SMAD3: variants seen among roughly 807,000 people sequenced by gnomAD.
SMAD3 encodes the protein MAD homolog 3.
Under a neutral mutation model 51.8 loss-of-function variants are expected in SMAD3, and 12 were observed. That is an observed-to-expected ratio of 0.23 (90% CI 0.15 to 0.38). SMAD3 has a LOEUF of 0.38. Among genes scored for constraint, SMAD3 ranks in the 10% least tolerant of loss-of-function variants. The probability of loss-of-function intolerance (pLI) is 1.00; values close to 1 mark genes in which losing one functional copy is unlikely to be tolerated. For missense variants in SMAD3, 294 were observed against 565.6 expected (o/e 0.52, Z 4.87); for synonymous variants, 238 against 227.7 (o/e 1.05, Z -0.41).
At chr15:67,149,933 G>T (rs1205976445) in intron 1 of SMAD3, among the ~76,000 whole-genome samples, 1 of 152,278 alleles carries the variant, frequency 6.6e-6, no homozygotes, top group East Asian at 1.9e-4. Flanking sequence ...ACTTTTTCAA[G>T]AAACATGGTC....
intron 1 of SMAD3, among the ~76,000 whole-genome samples, chr15:67,094,397 G>A (rs571638074): frequency 8.6e-4 from 131 of 152,282 alleles, no homozygotes; most frequent in Non-Finnish European, 1.6e-3. Context: ...GCAGGGCTGA[G>A]GGCATTTACC....
intron 1 of SMAD3, among the ~76,000 whole-genome samples, chr15:67,129,967 C>T (rs1456998792): frequency 6.6e-6 from 1 of 152,180 alleles, no homozygotes; most frequent in East Asian, 1.9e-4. Context: ...ATGTCACCTG[C>T]ATTTTGGAGT....
At chr15:67,071,836 A>G (rs1397433422) in intron 1 of SMAD3, among the ~76,000 whole-genome samples, 1 of 152,012 alleles carries the variant, frequency 6.6e-6, no homozygotes, top group Admixed American at 6.6e-5. Flanking sequence ...AATAAATGAA[A>G]AGTGGACAAC....
At chr15:67,097,802 T>G (rs554669925) in intron 1 of SMAD3, among the ~76,000 whole-genome samples, 3 of 152,276 alleles carry the variant, frequency 2.0e-5, no homozygotes, top group African/African-American at 7.2e-5. Context: ...CCAAAAGTAG[T>G]ATCCTCTAGG....
At chr15:67,165,229 C>G in intron 2 of SMAD3, 24 bp from the exon 3 acceptor site, 2 of 1,614,204 alleles carry the variant, frequency 1.2e-6, no homozygotes, top group South Asian at 2.2e-5. Context: ...ACTGAGCCAC[C>G]TCTGCTCTGT....
chr15:67,147,011 G>GC (rs1158066757), intron 1 of SMAD3: 33 of 152,198 alleles, frequency 2.2e-4, no homozygotes, highest in Admixed American at 2.2e-3. Context: ...CCTGCCAGGG[G>GC]CCCCTCCCAC....
chr15:67,069,047 G>A (rs1959991207), intron 1 of SMAD3, among the ~76,000 whole-genome samples: 1 of 152,160 alleles, frequency 6.6e-6, no homozygotes, highest in African/African-American at 2.4e-5. Context: ...TCAGTCTAAG[G>A]AGATTAAGCC....
intron 1 of SMAD3, among the ~76,000 whole-genome samples, chr15:67,097,638 G>T (rs1191348914): frequency 6.6e-6 from 1 of 152,132 alleles, no homozygotes; most frequent in Non-Finnish European, 1.5e-5. Context: ...GGGTATAATG[G>T]TAATTATCTT....
intron 1 of SMAD3, among the ~76,000 whole-genome samples, chr15:67,091,222 T>A (rs1285542989): frequency 2.0e-5 from 3 of 152,218 alleles, no homozygotes; most frequent in African/African-American, 7.2e-5. Flanking sequence ...CATCTTTGCG[T>A]ATTATTCCTG....
At chr15:67,099,243 C>T (rs1460677962) in intron 1 of SMAD3, among the ~76,000 whole-genome samples, 1 of 152,204 alleles carries the variant, frequency 6.6e-6, no homozygotes, top group African/African-American at 2.4e-5. Context: ...AAGCAGACAT[C>T]AATTCCTCAT....
At position 67,191,472 on chromosome 15, in the gene SMAD3, T is replaced by G. The variant is rs1484083962; in HGVS notation, c.*936T>G. Reference sequence around the variant, plus strand: ...ATTCTGATGCATACGGCTATATTGGTTTATGTAGTCAGTTGCATTCATTAA... The same window carrying G: ...ATTCTGATGCATACGGCTATATTGGGTTATGTAGTCAGTTGCATTCATTAA... On this transcript the variant is annotated 3_prime_UTR_variant, in exon 9 of 9. Coordinates refer to ENST00000327367, the MANE Select transcript of SMAD3 (RefSeq NM_005902.4). 1.3e-5 allele frequency: 3 copies of G among 233,314 alleles called. No individual in the cohort carries two copies. The highest frequency in any genetic ancestry group is 2.5e-5 in the Non-Finnish European group (3 of 118,052). 14.5% of individuals were successfully genotyped at this position (233,314 alleles called of 1,614,324 possible).
At chr15:67,120,551 G>A (rs530480370) in intron 1 of SMAD3, among the ~76,000 whole-genome samples, 3 of 152,312 alleles carry the variant, frequency 2.0e-5, no homozygotes, top group African/African-American at 7.2e-5. Context: ...GCTAAGTGCT[G>A]TGGGGTGGTC....
At chr15:67,106,049 C>G (rs114662629) in intron 1 of SMAD3, among the ~76,000 whole-genome samples, 1,548 of 152,238 alleles carry the variant, frequency 0.01, 23 homozygotes, top group African/African-American at 0.033. Flanking sequence ...CAGTTCTGCC[C>G]CCAGAATATC....
At chr15:67,107,965 T>TCC (rs138958033) in intron 1 of SMAD3, among the ~76,000 whole-genome samples, 57 of 124,720 alleles carry the variant, frequency 4.6e-4, no homozygotes, top group Non-Finnish European at 7.6e-4. Flanking sequence ...TGCTCTCCTC[T>TCC]CCCCCCCACC....
chr15:67,138,332 C>T lies in SMAD3; in HGVS notation c.207-26563C>T, dbSNP rs1377645820. The T allele has an allele frequency of 1.0e-5, 5 of 501,462 alleles. No homozygotes were observed. The East Asian group carries it at 1.0e-4, about 10-fold the overall frequency. 31.1% of individuals were successfully genotyped at this position (501,462 alleles called of 1,614,324 possible). On this transcript the variant is annotated intron_variant, in intron 1 of 8. Coordinates refer to ENST00000327367, the MANE Select transcript of SMAD3 (RefSeq NM_005902.4). ...TGGTTCTGGGCTCTGGGACCCTGCT[C>T]CCCTCCCCTGAACCCCCCCTCCCCC...
chr15:67,155,675 C>G (rs544027492), intron 1 of SMAD3, among the ~76,000 whole-genome samples: 5 of 152,098 alleles, frequency 3.3e-5, no homozygotes, highest in Non-Finnish European at 7.4e-5. Context: ...GGAAAACCCA[C>G]GTAGAATGCA....
chr15:67,077,379 C>T (rs1230064683), intron 1 of SMAD3, among the ~76,000 whole-genome samples: 1 of 152,158 alleles, frequency 6.6e-6, no homozygotes, highest in African/African-American at 2.4e-5. Context: ...CACCCTCAAC[C>T]CAGGCCAGAG....
At chr15:67,068,709 A>G (rs1016514858) in intron 1 of SMAD3, among the ~76,000 whole-genome samples, 1 of 151,854 alleles carries the variant, frequency 6.6e-6, no homozygotes, top group Non-Finnish European at 1.5e-5. Flanking sequence ...ATGGATTTTC[A>G]TCCTTGGATT....
At chr15:67,109,657 G>A (rs1016611738) in intron 1 of SMAD3, among the ~76,000 whole-genome samples, 1 of 152,208 alleles carries the variant, frequency 6.6e-6, no homozygotes, top group Non-Finnish European at 1.5e-5. Context: ...AGAAGGAAAA[G>A]CGAGAGGGGG....
Sources: gnomAD v4.1 joint callset for allele counts (sites outside exome capture counted in the v4.1 genomes callset) on GRCh38, gnomAD v4.1.1 for gene constraint, MANE v1.5 for transcripts, NCBI Gene and HGNC (gene_info 2026-07-23, HGNC 2026-07-21) for gene names.